ZFTRAF1: variants seen among roughly 807,000 people sequenced by gnomAD.
ZFTRAF1 encodes zinc finger TRAF-type-containing protein 1.
the ZFTRAF1 span, among the ~76,000 whole-genome samples, chr8:144,459,114 G>A: frequency 2.0e-5 from 3 of 152,244 alleles, no homozygotes; most frequent in Admixed American, 1.3e-4. Context: ...AGAGAAGTCA[G>A]GGATGAGGCT....
At chr8:144,455,144 A>C in the ZFTRAF1 span, 1 of 152,104 alleles carries the variant, frequency 6.6e-6, no homozygotes, top group Non-Finnish European at 1.5e-5. Context: ...GTGAAACCCC[A>C]TCTCTACTAA....
At chr8:144,453,687 A>G in the ZFTRAF1 span, 19 of 547,414 alleles carry the variant, frequency 3.5e-5, no homozygotes, top group African/African-American at 3.4e-4. Context: ...AGGTCCTAAA[A>G]GCAAGGCCTC....
the ZFTRAF1 span, chr8:144,453,795 GA>G: frequency 3.9e-5 from 11 of 280,076 alleles, no homozygotes; most frequent in African/African-American, 2.4e-4. Context: ...CGACTGCCCT[GA>G]CCCCCCTACA....
chr8:144,461,907 G>T, the ZFTRAF1 span, among the ~76,000 whole-genome samples: 4 of 152,156 alleles, frequency 2.6e-5, no homozygotes, highest in Non-Finnish European at 5.9e-5. Flanking sequence ...CGGGTGGGTT[G>T]CGGGGAGCAG....
At chr8:144,452,323 C>A in the ZFTRAF1 span, 9 of 1,543,338 alleles carry the variant, frequency 5.8e-6, no homozygotes, top group Non-Finnish European at 7.9e-6. Flanking sequence ...CCAACCCACA[C>A]CTGTGTGGCA....
chr8:144,455,327 A>G, the ZFTRAF1 span: 2 of 152,282 alleles, frequency 1.3e-5, no homozygotes, highest in East Asian at 3.9e-4. Context: ...GAATACATAA[A>G]TAAATAAAAA....
chr8:144,461,214 C>T, the ZFTRAF1 span, among the ~76,000 whole-genome samples: 5 of 152,220 alleles, frequency 3.3e-5, no homozygotes, highest in Admixed American at 1.3e-4. Flanking sequence ...ACAAAAGTAG[C>T]TCCTCATCCA....
the ZFTRAF1 span, among the ~76,000 whole-genome samples, chr8:144,462,009 G>A: frequency 6.6e-6 from 1 of 152,158 alleles, no homozygotes; most frequent in Non-Finnish European, 1.5e-5. Context: ...GAGGTAAGCG[G>A]AAGACAAGCG....
chr8:144,462,242 G>C, the ZFTRAF1 span: 1 of 507,078 alleles, frequency 2.0e-6, no homozygotes, highest in East Asian at 3.9e-5. Context: ...GGGGGCTGCA[G>C]CCCCGGGCTG....
At chr8:144,454,644 G>A in the ZFTRAF1 span, 1 of 152,328 alleles carries the variant, frequency 6.6e-6, no homozygotes, top group Non-Finnish European at 1.5e-5. Context: ...AATGGGATGT[G>A]GTGCAGCAGA....
chr8:144,452,627 A>G, the ZFTRAF1 span: 1 of 1,485,300 alleles, frequency 6.7e-7, no homozygotes, highest in Non-Finnish European at 9.0e-7. Context: ...GGCTGCAACA[A>G]GCTGTCCTCC....
the ZFTRAF1 span, chr8:144,452,156 G>A: frequency 1.5e-6 from 1 of 669,370 alleles, no homozygotes; most frequent in African/African-American, 1.8e-5. Context: ...TGCACCTGGG[G>A]TCTGCCTCGG....
At chr8:144,461,190 C>T in the ZFTRAF1 span, among the ~76,000 whole-genome samples, 1 of 152,198 alleles carries the variant, frequency 6.6e-6, no homozygotes, top group Admixed American at 6.5e-5. Flanking sequence ...TAGACTAGCC[C>T]TACACCACCT....
At chr8:144,450,600 TGAG>T in the ZFTRAF1 span, 1 of 717,958 alleles carries the variant, frequency 1.4e-6, no homozygotes, top group Non-Finnish European at 2.6e-6. Flanking sequence ...ACCTTGCTCT[TGAG>T]GAGGAGCTGG....
chr8:144,455,225 G>A, the ZFTRAF1 span: 1 of 152,270 alleles, frequency 6.6e-6, no homozygotes, highest in African/African-American at 2.4e-5. Flanking sequence ...TGAGGCAGGA[G>A]AATGGCTCGA....
chr8:144,461,455 G>C, the ZFTRAF1 span, among the ~76,000 whole-genome samples: 3 of 152,196 alleles, frequency 2.0e-5, no homozygotes, highest in African/African-American at 4.8e-5. Context: ...ACCTGGGCCA[G>C]GTACCCTAAC....
chr8:144,452,584 G>A, the ZFTRAF1 span: 21 of 1,534,078 alleles, frequency 1.4e-5, no homozygotes, highest in Non-Finnish European at 1.8e-5. Context: ...GGGGAGGCAG[G>A]TACATCACTC....
chr8:144,451,535 C>T, the ZFTRAF1 span: 2 of 153,568 alleles, frequency 1.3e-5, no homozygotes. Flanking sequence ...GGCCCACATC[C>T]CGCTGGGCAC....
At chr8:144,451,848 AC>A in the ZFTRAF1 span, 1 of 205,404 alleles carries the variant, frequency 4.9e-6, no homozygotes, top group Non-Finnish European at 1.0e-5. Context: ...TGAGTCGGGC[AC>A]CCTCAGCTTG....
Sources: gnomAD v4.1 joint callset for allele counts (sites outside exome capture counted in the v4.1 genomes callset) on GRCh38, gnomAD v4.1.1 for gene constraint, MANE v1.5 for transcripts, NCBI Gene and HGNC (gene_info 2026-07-23, HGNC 2026-07-21) for gene names.